PAN2: variants seen among roughly 807,000 people sequenced by gnomAD.
PAN2 encodes poly(A) specific ribonuclease subunit PAN2.
PAN2 carries 68 observed loss-of-function variants against 133.3 expected under a neutral mutation model. The ratio of observed to expected loss-of-function variants is 0.51; its 90% CI spans 0.42 to 0.62. The LOEUF (loss-of-function observed/expected upper bound fraction) is 0.62, where lower values mean the gene tolerates loss of function less well. Ranked by LOEUF, PAN2 falls within the 20% of genes least tolerant of loss-of-function variation. PAN2 has a pLI of 0.00. For missense variants in PAN2, 1,042 were observed against 1,500.5 expected, an observed-to-expected ratio of 0.69 and a Z score of 5.05; for synonymous variants, 462 against 544.6, an observed-to-expected ratio of 0.85 and a Z score of 2.11.
At chr12:56,322,986 C>A (rs1874728938) in intron 17 of PAN2, 76 bp downstream of exon 17, 3 of 1,567,178 alleles carry the variant, frequency 1.9e-6, no homozygotes, top group Non-Finnish European at 2.6e-6. Context: ...TAAGTTTCAC[C>A]TTCCCCTGCC....
intron 2 of PAN2, among the ~76,000 whole-genome samples, chr12:56,331,346 C>T (rs1234617957): frequency 3.9e-5 from 6 of 152,182 alleles, no homozygotes; most frequent in African/African-American, 9.7e-5. Flanking sequence ...TATGCTAAGA[C>T]GCCTTTTCCC....
chr12:56,327,991 C>T lies in PAN2; in HGVS notation c.651+4G>A. 6.2e-7 allele frequency: 1 copy of T among 1,613,766 alleles called. No homozygotes were observed. The highest frequency in any genetic ancestry group is 8.5e-7 in the Non-Finnish European group (1 of 1,179,866). On this transcript the variant is annotated splice_donor_region_variant and intron_variant, in intron 5 of 25. Coordinates refer to ENST00000440411, the MANE Select transcript of PAN2 (RefSeq NM_014871.6). ...CAGTGGGAGGAGAAATGGAACTTGGCCACCTTGCCAGACGTGTGGCCGCAG... is the reference window on the plus strand; with the variant it reads ...CAGTGGGAGGAGAAATGGAACTTGGTCACCTTGCCAGACGTGTGGCCGCAG...
chr12:56,325,167 CA>C, intron 9 of PAN2, 39 bp from the exon 10 acceptor site: 1 of 1,605,598 alleles, frequency 6.2e-7, no homozygotes, highest in Non-Finnish European at 8.5e-7. Context: ...AGGATATTCT[CA>C]GAGTCCCCAA....
chr12:56,330,225 G>A (rs1875618010), intron 2 of PAN2, among the ~76,000 whole-genome samples: 1 of 151,836 alleles, frequency 6.6e-6, no homozygotes, highest in South Asian at 2.1e-4. Context: ...ATTTAAAGTA[G>A]CAACATTGTT....
chr12:56,320,074 G>T (rs955700839), intron 20 of PAN2, 53 bp from the exon 21 acceptor site: 11 of 1,572,202 alleles, frequency 7.0e-6, no homozygotes, highest in South Asian at 1.1e-5. Flanking sequence ...GTGACTAGGG[G>T]AGAGAAGCCC....
At chr12:56,324,962 A>G (rs1158085939) in intron 10 of PAN2, 47 bp downstream of exon 10, 1 of 1,605,752 alleles carries the variant, frequency 6.2e-7, no homozygotes, top group South Asian at 1.1e-5. Context: ...ATAGGGAAGA[A>G]GAAAAGCAGC....
In PAN2 at chr12:56,318,580, G is replaced by T. The variant is rs1189328274; in HGVS notation, c.3365-146C>A. On this transcript the variant is annotated intron_variant, in intron 24 of 25. Transcript: ENST00000440411. ...GACATCTTCCTCAGTGCACAGAAGG[G>T]ATATTGAAGTTAATTAAATCCATTA... 6.5e-6 allele frequency: 4 copies of T among 618,766 alleles called. No homozygotes were observed. In the Admixed American group the frequency reaches 1.2e-4, roughly 19 times the overall value. The allele number at this position is 618,766 out of a possible 1,614,324, so 38.3% of individuals were successfully genotyped here.
rs774190366 is a variant in PAN2 at position 56,327,595 on chromosome 12, G to C, written c.688C>G (p.His230Asp). The change falls in exon 6 of 26, where the codon CAT becomes GAT. Residue 230 changes from histidine (H) to aspartate (D), a missense_variant. By Grantham distance (81) the His-to-Asp change is moderately conservative. Transcript: ENST00000440411. ...LRDLRTFKVE[H>D]EFDAFSGSLS... ...CTTCCTGAGAAGGCATCAAACTCATGTTCCACCTTAAAAGTACGGAGGTCT... is the reference window on the plus strand; with the variant it reads ...CTTCCTGAGAAGGCATCAAACTCATCTTCCACCTTAAAAGTACGGAGGTCT... 1.9e-6 allele frequency: 3 copies of C among 1,614,060 alleles called. No individual in the cohort carries two copies. The highest frequency in any genetic ancestry group is 1.7e-6 in the Non-Finnish European group (2 of 1,179,986).
At chr12:56,321,717 G>A (rs1260361531) in intron 20 of PAN2, among the ~76,000 whole-genome samples, 1 of 151,456 alleles carries the variant, frequency 6.6e-6, no homozygotes, top group Non-Finnish European at 1.5e-5. Flanking sequence ...CGGGTGTGGT[G>A]GTGGGCGTCT....
chr12:56,328,365 G>A lies in PAN2; in HGVS notation c.453-7C>T, dbSNP rs760959870. 6.3e-7 allele frequency: 1 copy of A among 1,593,688 alleles called. No homozygotes were observed. The highest frequency in any genetic ancestry group is 1.1e-5 in the South Asian group (1 of 88,516). ...ATCCTCATTCTCATCCAGCCTGGTG[G>A]GGAGAGGAAAGGCTAAGGGGCCCAG... On this transcript the variant is annotated splice_polypyrimidine_tract_variant and splice_region_variant and intron_variant, in intron 3 of 25. Transcript: ENST00000440411.
At chr12:56,318,694 A>AT in intron 24 of PAN2, 1 of 457,526 alleles carries the variant, frequency 2.2e-6, no homozygotes, top group Non-Finnish European at 3.8e-6. Flanking sequence ...CCATGCTTTT[A>AT]TTTTTTATAT....
intron 19 of PAN2, 86 bp from the exon 20 acceptor site, chr12:56,322,254 C>T (rs1874638235): frequency 9.2e-7 from 1 of 1,082,312 alleles, no homozygotes; most frequent in African/African-American, 1.6e-5. Context: ...GACTCAGGTG[C>T]TAGTTTTTGT....
rs1012725004 is a variant in PAN2, at chr12:56,320,010, T to C, written c.2800A>G (p.Ile934Val). The change falls in exon 21 of 26, where the codon ATT becomes GTT. Residue 934 changes from isoleucine (I) to valine (V), a missense_variant. Coordinates refer to ENST00000440411, the MANE Select transcript of PAN2 (RefSeq NM_014871.6). ...TCAGCCAGCAAGACACTTGCCTCAA[T>C]AGGGTTCTTGACTAGAAGGGAGAAT... ...SRYNLNIKNP[I>V]EASVLLAEAS... 11 of 1,613,976 alleles carry C rather than the reference T, an allele frequency of 6.8e-6. 1 individual carries two copies. In the Admixed American group the frequency reaches 1.7e-4, roughly 24 times the overall value.
intron 25 of PAN2, among the ~76,000 whole-genome samples, chr12:56,317,894 A>T (rs1373287463): frequency 6.6e-6 from 1 of 152,106 alleles, no homozygotes; most frequent in East Asian, 1.9e-4. Context: ...AATCCACCCA[A>T]TTGGGGGCGC....
intron 2 of PAN2, among the ~76,000 whole-genome samples, chr12:56,332,441 A>G (rs1040133794): frequency 6.6e-6 from 1 of 152,096 alleles, no homozygotes; most frequent in African/African-American, 2.4e-5. Flanking sequence ...AAAATTTTTT[A>G]AAAATTAGCT....
In PAN2 at chr12:56,320,082, C is replaced by T. The variant is rs1874311168; in HGVS notation, c.2789-61G>A. 83 of 1,525,540 alleles carry T rather than the reference C, an allele frequency of 5.4e-5. 2 individuals carry two copies. In the South Asian group the frequency reaches 9.4e-4, roughly 17 times the overall value. 94.5% of individuals were successfully genotyped at this position (1,525,540 alleles called of 1,614,324 possible). A position where few individuals can be genotyped will look rare whatever the true frequency, so the allele number is the denominator to read the frequency against. ...TAGGGAAGTGACTAGGGGAGAGAAG[C>T]CCAGTGTGGCTGATCATCGACTCTG... On this transcript the variant is annotated intron_variant, in intron 20 of 25. Coordinates refer to ENST00000440411, the MANE Select transcript of PAN2 (RefSeq NM_014871.6).
chr12:56,324,650 C>T lies in PAN2; in HGVS notation c.1659G>A (p.Glu553=), dbSNP rs748393601. 2 of 1,614,146 alleles carry T rather than the reference C, an allele frequency of 1.2e-6. No individual in the cohort carries two copies. Among genetic ancestry groups the T allele is most frequent in the Non-Finnish European group, 1.7e-6 (2 of 1,179,978 alleles). Residue 553 remains glutamate (E), a synonymous_variant, in exon 11 of 26, where the codon GAG becomes GAA. Coordinates refer to ENST00000440411, the MANE Select transcript of PAN2 (RefSeq NM_014871.6). The part of the protein sequence containing the change: ...CLIQNHLCQK[E]FCLACELGFL... ...AGCCCAGCTCACATGCCAGACAGAA[C>T]TCCTTCTGGCAAAGGTGGTTTTGAA...
chr12:56,329,459 A>G (rs1441540408), intron 2 of PAN2, among the ~76,000 whole-genome samples: 2 of 151,960 alleles, frequency 1.3e-5, no homozygotes, highest in African/African-American at 4.8e-5. Context: ...CCTCCCAAGT[A>G]GCCAGGATTA....
At position 56,323,433 on chromosome 12, in the gene PAN2, T is replaced by C. The variant is rs377212704; in HGVS notation, c.2272-49A>G. 6 of 1,610,178 alleles carry C rather than the reference T, an allele frequency of 3.7e-6. No homozygotes were observed. The African/African-American group carries it at 8.0e-5, about 22-fold the overall frequency. On this transcript the variant is annotated intron_variant, in intron 15 of 25. Coordinates refer to ENST00000440411, the MANE Select transcript of PAN2 (RefSeq NM_014871.6). The stretch of plus-strand genomic sequence containing the variant: ...AGTTCTTCAGGAATGTAATCATATA[T>C]GGAGGTCAGAAGGGGGATAAAATGA...
Sources: allele counts gnomAD v4.1 joint callset (sites outside exome capture counted in the v4.1 genomes callset), GRCh38; gene constraint gnomAD v4.1.1; transcripts MANE v1.5; gene names NCBI Gene and HGNC (gene_info 2026-07-23, HGNC 2026-07-21).